KDM2A: variants seen among roughly 807,000 people sequenced by gnomAD.
KDM2A encodes lysine-specific demethylase 2A.
In KDM2A, 3 loss-of-function variants were observed where a neutral mutation model predicts 137.3. The observed-to-expected ratio is 0.02, with a 90% CI of 0.01 to 0.06. The LOEUF is 0.06. Among genes scored for constraint, KDM2A ranks in the 10% least tolerant of loss-of-function variants. The pLI is 1.00. For synonymous variants in KDM2A, 512 were observed against 541.5 expected, an observed-to-expected ratio of 0.95 and a Z score of 0.76; for missense variants, 738 against 1,510.6, an observed-to-expected ratio of 0.49 and a Z score of 8.48.
chr11:67,127,673 G>A (rs931451041), intron 2 of KDM2A, among the ~76,000 whole-genome samples: 3 of 151,868 alleles, frequency 2.0e-5, no homozygotes, highest in Non-Finnish European at 4.4e-5. Flanking sequence ...ATTCAGCAGC[G>A]ATTACCAGAT....
chr11:67,153,193 C>A lies in KDM2A; in HGVS notation c.43-26886C>A, dbSNP rs1207288908. Among the ~76,000 whole-genome samples, 3 of 152,246 alleles carry A rather than the reference C, an allele frequency of 2.0e-5. No homozygotes were observed. The East Asian group carries it at 5.8e-4, about 29-fold the overall frequency. ...AGAGGCAGGGTTTCACTATGTTGGT[C>A]AGGCTGGTCTCGAATTCCTGACATT... On this transcript the variant is annotated intron_variant, in intron 2 of 20. Transcript: ENST00000529006.
In KDM2A at chr11:67,247,225, G is replaced by T. The variant is rs186075846; in HGVS notation, c.1966-1056G>T. Among the ~76,000 whole-genome samples, 3 of 147,918 alleles carry T rather than the reference G, an allele frequency of 2.0e-5. No homozygotes were observed. The Admixed American group carries it at 2.0e-4, about 10-fold the overall frequency. Reference sequence around the variant, plus strand: ...CTGCCTCAGCTTCCCTAGTAGTTGGGATTACAAGCACGTGCCACTGCGCCC... The same window carrying T: ...CTGCCTCAGCTTCCCTAGTAGTTGGTATTACAAGCACGTGCCACTGCGCCC... On this transcript the variant is annotated intron_variant, in intron 15 of 20. Coordinates refer to ENST00000529006, the MANE Select transcript of KDM2A (RefSeq NM_012308.3).
intron 13 of KDM2A, chr11:67,243,847 C>T (rs1307657047): frequency 6.6e-6 from 1 of 152,126 alleles, no homozygotes; most frequent in East Asian, 1.9e-4. Context: ...AAAGGAATTA[C>T]TGTCAGCTAA....
chr11:67,246,205 A>G, intron 15 of KDM2A, 89 bp downstream of exon 15: 1 of 1,417,222 alleles, frequency 7.1e-7, no homozygotes, highest in Non-Finnish European at 9.8e-7. Context: ...GAGTGCCAGC[A>G]TCCCTACTGT....
intron 8 of KDM2A, 80 bp downstream of exon 8, chr11:67,216,029 C>G: frequency 1.0e-6 from 1 of 998,878 alleles, no homozygotes; most frequent in Non-Finnish European, 1.6e-6. Context: ...ACTTAATATA[C>G]CCTGGAAATG....
chr11:67,243,202 T>A, intron 13 of KDM2A, 110 bp downstream of exon 13: 1 of 721,360 alleles, frequency 1.4e-6, no homozygotes. Context: ...TTTGGTGCAT[T>A]AATACAAACT....
At chr11:67,147,558 T>C (rs1247570627) in intron 2 of KDM2A, among the ~76,000 whole-genome samples, 2 of 149,534 alleles carry the variant, frequency 1.3e-5, no homozygotes, top group Non-Finnish European at 3.0e-5. Flanking sequence ...AAAAAAAAGA[T>C]GCAACTTTCA....
At chr11:67,234,762 A>G (rs1221540441) in intron 12 of KDM2A, among the ~76,000 whole-genome samples, 1 of 152,134 alleles carries the variant, frequency 6.6e-6, no homozygotes, top group Non-Finnish European at 1.5e-5. Flanking sequence ...CTGAAGTGGG[A>G]GGATCACTTG....
At chr11:67,195,369 CAAAAAAAAAAAAAAA>C (rs34494813) in intron 5 of KDM2A, among the ~76,000 whole-genome samples, 8 of 65,224 alleles carry the variant, frequency 1.2e-4, no homozygotes, top group African/African-American at 2.8e-4. Flanking sequence ...ACTCCGTCTC[CAAAAAAAAAAAAAAA>C]AAAAAAAAAA....
rs565694942 is a variant in KDM2A at position 67,136,001 on chromosome 11, G to T, written c.42+14643G>T. Among the ~76,000 whole-genome samples the T allele has an allele frequency of 2.0e-5, 3 of 151,962 alleles. No individual in the cohort carries two copies. In the South Asian group the frequency reaches 6.2e-4, roughly 32 times the overall value. On this transcript the variant is annotated intron_variant, in intron 2 of 20. Transcript: ENST00000529006. ...TTGCCTTTGTGTAACTATAATTAAC[G>T]TTACTAGTGTGTTTGTTTAATATCT...
At chr11:67,137,193 G>A (rs899139588) in intron 2 of KDM2A, among the ~76,000 whole-genome samples, 2 of 152,216 alleles carry the variant, frequency 1.3e-5, no homozygotes, top group Non-Finnish European at 2.9e-5. Context: ...CATTGTAACT[G>A]AAGAAACATA....
intron 2 of KDM2A, among the ~76,000 whole-genome samples, chr11:67,133,506 G>T (rs1565371672): frequency 6.6e-6 from 1 of 152,120 alleles, no homozygotes. Flanking sequence ...GGGTTCAGGT[G>T]ATTCTTCTGT....
At chr11:67,196,517 T>C in intron 5 of KDM2A, 1 of 455,248 alleles carries the variant, frequency 2.2e-6, no homozygotes, top group Non-Finnish European at 4.4e-6. Flanking sequence ...AATGTGCTAT[T>C]TCCATTCACT....
intron 11 of KDM2A, among the ~76,000 whole-genome samples, chr11:67,231,035 C>T (rs1858701424): frequency 6.6e-6 from 1 of 151,842 alleles, no homozygotes; most frequent in Non-Finnish European, 1.5e-5. Context: ...CAGCTCACTG[C>T]AGCCTCAACC....
intron 11 of KDM2A, among the ~76,000 whole-genome samples, chr11:67,229,761 T>C (rs1858653788): frequency 6.6e-6 from 1 of 151,722 alleles, no homozygotes; most frequent in Non-Finnish European, 1.5e-5. Flanking sequence ...TACCAGGTAC[T>C]CGGGAGGCTG....
At position 67,257,578 on chromosome 11, in the gene KDM2A, A is replaced by G. The variant is rs1168180909; in HGVS notation, c.*2523A>G. 2.0e-5 allele frequency: 3 copies of G among 152,544 alleles called. No homozygotes were observed. The highest frequency in any genetic ancestry group is 3.8e-4 in the East Asian group (2 of 5,200). The allele number at this position is 152,544 out of a possible 1,614,324, so 9.4% of individuals were successfully genotyped here. A position where few individuals can be genotyped will look rare whatever the true frequency, so the allele number is the denominator to read the frequency against. On this transcript the variant is annotated 3_prime_UTR_variant, in exon 21 of 21. Coordinates refer to ENST00000529006, the MANE Select transcript of KDM2A (RefSeq NM_012308.3). ...ACCGGGGCGAAAAACCACAAAGGAA[A>G]GGAAGAAAATTTATATATATATAAT...
intron 13 of KDM2A, among the ~76,000 whole-genome samples, chr11:67,244,492 A>C (rs1397738701): frequency 6.6e-6 from 1 of 152,138 alleles, no homozygotes; most frequent in Non-Finnish European, 1.5e-5. Context: ...ACTTCGGTAC[A>C]TGGCACTTGA....
intron 10 of KDM2A, among the ~76,000 whole-genome samples, chr11:67,225,472 C>T (rs1858510289): frequency 6.6e-6 from 1 of 151,628 alleles, no homozygotes; most frequent in Admixed American, 6.6e-5. Flanking sequence ...CCCGTCTCTA[C>T]TAAAAATACA....
At chr11:67,178,248 A>G (rs1857013478) in intron 2 of KDM2A, among the ~76,000 whole-genome samples, 4 of 151,856 alleles carry the variant, frequency 2.6e-5, no homozygotes, top group Non-Finnish European at 5.9e-5. Context: ...TCTACTAAAA[A>G]TAAAAAAATC....
Sources: allele counts gnomAD v4.1 joint callset (sites outside exome capture counted in the v4.1 genomes callset), GRCh38; gene constraint gnomAD v4.1.1; transcripts MANE v1.5; gene names NCBI Gene and HGNC (gene_info 2026-07-23, HGNC 2026-07-21).